The following MYL11 variants were observed in gnomAD, a reference collection of about 807,000 sequenced individuals.
The protein encoded by MYL11 is myosin light chain 11.
the MYL11 span, chr16:30,370,970 G>A: frequency 0.091 from 13,855 of 152,320 alleles, 1,659 homozygotes; most frequent in African/African-American, 0.28. Context: ...CAGTCAATAG[G>A]AAGAGCTGAA....
chr16:30,376,725 G>C, the MYL11 span: 2 of 1,601,986 alleles, frequency 1.2e-6, no homozygotes, highest in Non-Finnish European at 1.7e-6. Context: ...CCACCCTTCC[G>C]ACCCTTCCCC....
At chr16:30,375,464 C>CAAAAAA in the MYL11 span, among the ~76,000 whole-genome samples, 2 of 74,542 alleles carry the variant, frequency 2.7e-5, no homozygotes, top group African/African-American at 8.0e-5. Flanking sequence ...GACTCTGTCT[C>CAAAAAA]AAAAAAAAAA....
At chr16:30,376,478 T>C in the MYL11 span, 1 of 1,613,990 alleles carries the variant, frequency 6.2e-7, no homozygotes, top group South Asian at 1.1e-5. Flanking sequence ...AAGCCAGCGG[T>C]CCCATCAACT....
the MYL11 span, among the ~76,000 whole-genome samples, chr16:30,373,960 G>C: frequency 6.6e-6 from 1 of 151,972 alleles, no homozygotes; most frequent in African/African-American, 2.4e-5. Context: ...GCCCAGCCTA[G>C]CACGTGGCAC....
At chr16:30,374,531 C>T in the MYL11 span, among the ~76,000 whole-genome samples, 1 of 152,174 alleles carries the variant, frequency 6.6e-6, no homozygotes, top group African/African-American at 2.4e-5. Flanking sequence ...CCTTGGGTTG[C>T]GTCCCCTCTA....
the MYL11 span, chr16:30,376,317 T>C: frequency 6.4e-7 from 1 of 1,551,224 alleles, no homozygotes; most frequent in East Asian, 2.3e-5. Flanking sequence ...ACCTTGGGCC[T>C]CAGTCTACCC....
the MYL11 span, chr16:30,377,909 G>A: frequency 6.3e-7 from 1 of 1,598,300 alleles, no homozygotes; most frequent in South Asian, 1.1e-5. Flanking sequence ...AGGGGCACCC[G>A]CGGGCCTCCG....
At chr16:30,373,141 G>A in the MYL11 span, 1 of 152,208 alleles carries the variant, frequency 6.6e-6, no homozygotes, top group Non-Finnish European at 1.5e-5. Context: ...AGACCACAAA[G>A]CATCTTGCCT....
chr16:30,376,651 CT>C, the MYL11 span: 4 of 1,614,148 alleles, frequency 2.5e-6, no homozygotes, highest in Non-Finnish European at 3.4e-6. Context: ...TCACCGGAGC[CT>C]TCAAGGTCTT....
chr16:30,377,435 T>G, the MYL11 span: 2 of 447,108 alleles, frequency 4.5e-6, no homozygotes, highest in South Asian at 7.0e-5. Context: ...CTGCCAGAGG[T>G]AAGGGAGTAG....
At chr16:30,376,367 C>A in the MYL11 span, 1 of 1,566,160 alleles carries the variant, frequency 6.4e-7, no homozygotes, top group Non-Finnish European at 8.7e-7. Flanking sequence ...TAGTGGGAAG[C>A]GCAGGCCCGG....
the MYL11 span, chr16:30,376,035 T>C: frequency 6.8e-7 from 1 of 1,479,054 alleles, no homozygotes; most frequent in South Asian, 1.2e-5. Context: ...CCTCTCTGCT[T>C]GGGGTGGAAG....
the MYL11 span, chr16:30,374,884 T>C: frequency 1.2e-6 from 2 of 1,613,006 alleles, no homozygotes; most frequent in Admixed American, 1.7e-5. Flanking sequence ...CTCCAACCCC[T>C]GCCCAGATCC....
At chr16:30,375,285 C>T in the MYL11 span, among the ~76,000 whole-genome samples, 6 of 152,042 alleles carry the variant, frequency 3.9e-5, no homozygotes, top group South Asian at 2.1e-4. Flanking sequence ...GGCCAACAGG[C>T]GAAACCCCGT....
chr16:30,373,091 C>T, the MYL11 span: 1 of 152,224 alleles, frequency 6.6e-6, no homozygotes, highest in African/African-American at 2.4e-5. Flanking sequence ...ACTACATCTC[C>T]CTTTTACAGA....
At chr16:30,375,839 G>A in the MYL11 span, 1 of 1,614,054 alleles carries the variant, frequency 6.2e-7, no homozygotes, top group East Asian at 2.2e-5. Context: ...AGGGCCAAGA[G>A]AAGGACAGTA....
chr16:30,376,031 T>A, the MYL11 span: 3 of 1,477,372 alleles, frequency 2.0e-6, no homozygotes, highest in Non-Finnish European at 2.8e-6. Context: ...CTCCCCTCTC[T>A]GCTTGGGGTG....
chr16:30,376,659 T>A, the MYL11 span: 1 of 1,614,046 alleles, frequency 6.2e-7, no homozygotes, highest in Non-Finnish European at 8.5e-7. Flanking sequence ...GCCTTCAAGG[T>A]CTTGGACCCT....
the MYL11 span, chr16:30,374,779 C>A: frequency 1.9e-6 from 3 of 1,572,006 alleles, no homozygotes; most frequent in Non-Finnish European, 2.6e-6. Context: ...GACTATATAA[C>A]CCCAGAGGGA....
Sources: allele counts gnomAD v4.1 joint callset (sites outside exome capture counted in the v4.1 genomes callset), GRCh38; gene constraint gnomAD v4.1.1; transcripts MANE v1.5; gene names NCBI Gene and HGNC (gene_info 2026-07-23, HGNC 2026-07-21).